Variants in TMTC3 observed in about 807,000 individuals in gnomAD.
The protein encoded by TMTC3 is protein O-mannosyl-transferase TMTC3.
TMTC3 carries 52 observed loss-of-function variants against 92.2 expected under a neutral mutation model. The observed-to-expected ratio is 0.56, with a 90% CI of 0.45 to 0.71. The LOEUF (loss-of-function observed/expected upper bound fraction) is 0.71, where lower values mean the gene tolerates loss of function less well. Ranked by LOEUF, TMTC3 falls within the 30% of genes least tolerant of loss-of-function variation. The probability of loss-of-function intolerance (pLI) is 0.00; values close to 1 mark genes in which losing one functional copy is unlikely to be tolerated. For synonymous variants in TMTC3, 339 were observed against 363.3 expected (o/e 0.93, Z 0.76); for missense variants, 896 against 1,057.1 (o/e 0.85, Z 2.11).
chr12:88,192,050 C>T (rs1172828496), intron 12 of TMTC3, among the ~76,000 whole-genome samples: 4 of 121,876 alleles, frequency 3.3e-5, no homozygotes, highest in Non-Finnish European at 4.7e-5. Flanking sequence ...TAAGAATGGT[C>T]GTATTATAAG....
intron 10 of TMTC3, 22 bp downstream of exon 10, chr12:88,176,341 AATC>A (rs2041259678): frequency 6.6e-7 from 1 of 1,517,734 alleles, no homozygotes; most frequent in Non-Finnish European, 9.0e-7. Context: ...TAACTAATAA[AATC>A]ATGAATTTTA....
chr12:88,169,885 A>G (rs1192291877), intron 7 of TMTC3, among the ~76,000 whole-genome samples: 1 of 151,434 alleles, frequency 6.6e-6, no homozygotes, highest in African/African-American at 2.4e-5. Flanking sequence ...AATGCAGTAG[A>G]CTATGATCAT....
At position 88,196,052 on chromosome 12, in the gene TMTC3, T is replaced by C. The variant is rs1030180966; in HGVS notation, c.*403T>C. ...ATTTATTTGCCTACTTCATTTTTCT[T>C]GCACCTCTTAGAATCTAACTATGAA... On this transcript the variant is annotated 3_prime_UTR_variant, in exon 14 of 14. Transcript: ENST00000266712. 2 of 154,744 alleles carry C rather than the reference T, an allele frequency of 1.3e-5. No homozygotes were observed. The highest frequency in any genetic ancestry group is 2.9e-5 in the Non-Finnish European group (2 of 69,796). The allele number at this position is 154,744 out of a possible 1,614,324, so 9.6% of individuals were successfully genotyped here. A position where few individuals can be genotyped will look rare whatever the true frequency, so the allele number is the denominator to read the frequency against.
intron 4 of TMTC3, among the ~76,000 whole-genome samples, chr12:88,155,211 T>G (rs186936384): frequency 6.6e-6 from 1 of 152,324 alleles, no homozygotes; most frequent in East Asian, 1.9e-4. Flanking sequence ...TGGTTTCAAA[T>G]TCTAGCTCCA....
intron 6 of TMTC3, among the ~76,000 whole-genome samples, chr12:88,165,990 T>G (rs2041138905): frequency 6.6e-6 from 1 of 152,190 alleles, no homozygotes; most frequent in South Asian, 2.1e-4. Context: ...CTTATACAAC[T>G]TTTTGTTACT....
At chr12:88,159,429 G>A (rs915151840) in intron 4 of TMTC3, among the ~76,000 whole-genome samples, 3 of 152,126 alleles carry the variant, frequency 2.0e-5, no homozygotes, top group Non-Finnish European at 4.4e-5. Context: ...ATCCCAGCAT[G>A]GTGGGAGGAT....
rs952065628 is a variant in TMTC3 at position 88,166,528 on chromosome 12, G to T, written c.996G>T (p.Met332Ile). 7 of 1,613,766 alleles carry T rather than the reference G, an allele frequency of 4.3e-6. No homozygotes were observed. In the Admixed American group the frequency reaches 1.0e-4, roughly 23 times the overall value. ...ATFTFFCFLG[M>I]LGVFSIRYSG... is the part of the protein sequence containing the mutation. Reference sequence around the variant, plus strand: ...TTACTTTCTTTTGTTTTCTGGGGATGTTGGGAGTATTCAGTATCAGATACT... The same window carrying T: ...TTACTTTCTTTTGTTTTCTGGGGATTTTGGGAGTATTCAGTATCAGATACT... The change falls in exon 7 of 14, where the codon ATG becomes ATT. Residue 332 changes from methionine to isoleucine, a missense_variant. Coordinates refer to ENST00000266712, the MANE Select transcript of TMTC3 (RefSeq NM_181783.4).
chr12:88,166,030 T>G (rs1427677747), intron 6 of TMTC3, among the ~76,000 whole-genome samples: 1 of 152,166 alleles, frequency 6.6e-6, no homozygotes, highest in Non-Finnish European at 1.5e-5. Flanking sequence ...AATGGAACAC[T>G]TTTGCAGTGT....
In TMTC3 at chr12:88,153,432, T is replaced by C. The variant is rs1592724129; in HGVS notation, c.331T>C (p.Cys111Arg). The C allele has an allele frequency of 1.2e-6, 2 of 1,613,758 alleles. No individual in the cohort carries two copies. The highest frequency in any genetic ancestry group is 2.2e-5 in the East Asian group (1 of 44,824). The change falls in exon 3 of 14, where the codon TGC (cysteine) becomes CGC (arginine). Residue 111 changes from cysteine to arginine, a missense_variant. Transcript: ENST00000266712. ...AVVSVIFLKVCKLFLDNKSSV... is the reference protein window; with the variant it reads ...AVVSVIFLKVRKLFLDNKSSV... ...GGTTAGTGTGATATTTCTCAAAGTA[T>C]GCAAACTTTTTCTGGACAACAAGAG...
rs924472337 is a variant in TMTC3, at chr12:88,172,053, T to C, written c.1051-544T>C. 5.3e-5 allele frequency among the ~76,000 whole-genome samples: 8 copies of C among 152,256 alleles called. No individual in the cohort carries two copies. In the South Asian group the frequency reaches 1.4e-3, roughly 28 times the overall value. On this transcript the variant is annotated intron_variant, in intron 7 of 13. Transcript: ENST00000266712. The stretch of plus-strand genomic sequence containing the variant: ...TTTTTTAAATTGGGTTGTTTTCTTA[T>C]GATTGTTTGAGTGTGTTATTTTAGA...
At chr12:88,154,417 A>G (rs775035523) in intron 4 of TMTC3, 30 bp downstream of exon 4, 1 of 1,499,744 alleles carries the variant, frequency 6.7e-7, no homozygotes, top group Non-Finnish European at 9.0e-7. Flanking sequence ...TTTTTTTTTA[A>G]TAGTGCTAAA....
chr12:88,181,479 T>G (rs371321740), intron 10 of TMTC3, among the ~76,000 whole-genome samples: 5 of 152,122 alleles, frequency 3.3e-5, no homozygotes, highest in African/African-American at 1.2e-4. Flanking sequence ...GAAAAATTGA[T>G]GCAATTGGGT....
At position 88,191,940 on chromosome 12, in the gene TMTC3, C is replaced by T. The variant is rs145829006; in HGVS notation, c.1707-664C>T. Among the ~76,000 whole-genome samples, 417 of 150,930 alleles carry T rather than the reference C, an allele frequency of 2.8e-3. 4 individuals carry two copies. The highest frequency in any genetic ancestry group is 9.7e-3 in the African/African-American group (399 of 41,084). On this transcript the variant is annotated intron_variant, in intron 12 of 13. Transcript: ENST00000266712. ...GGTCAGCTGGTCTCCAACTCCTGAC[C>T]TCAAGTGATCTGCCCACCTCAGCCT...
At chr12:88,185,993 T>A (rs907419448) in intron 10 of TMTC3, among the ~76,000 whole-genome samples, 3 of 152,120 alleles carry the variant, frequency 2.0e-5, no homozygotes, top group Admixed American at 6.5e-5. Flanking sequence ...CCTAGGAGAT[T>A]CCAGATATTT....
intron 4 of TMTC3, 30 bp from the exon 5 acceptor site, chr12:88,160,084 A>T: frequency 6.9e-7 from 1 of 1,444,816 alleles, no homozygotes; most frequent in Non-Finnish European, 9.5e-7. Context: ...TGTTTTCTGA[A>T]TTTTTATATT....
At chr12:88,189,997 T>C (rs938303007) in intron 11 of TMTC3, among the ~76,000 whole-genome samples, 1 of 152,012 alleles carries the variant, frequency 6.6e-6, no homozygotes, top group African/African-American at 2.4e-5. Flanking sequence ...ATAAATATTA[T>C]TACAATTGAG....
intron 6 of TMTC3, among the ~76,000 whole-genome samples, chr12:88,161,661 C>A (rs889799868): frequency 7.3e-5 from 11 of 151,230 alleles, no homozygotes; most frequent in Admixed American, 4.6e-4. Flanking sequence ...CCTTTGGATT[C>A]TTTTTTTAAT....
intron 10 of TMTC3, among the ~76,000 whole-genome samples, chr12:88,179,109 T>C (rs1191552318): frequency 6.6e-6 from 1 of 152,204 alleles, no homozygotes; most frequent in African/African-American, 2.4e-5. Context: ...AGCCATGAGA[T>C]AGGAAAACAA....
Position 88,195,603 on chromosome 12 carries a change from CTTTAA to C in TMTC3, c.2700_2704del (p.Leu901LysfsTer6). The C allele has an allele frequency of 6.2e-7, 1 of 1,601,988 alleles. No individual in the cohort carries two copies. Among genetic ancestry groups the C allele is most frequent in the Non-Finnish European group, 8.5e-7 (1 of 1,176,972 alleles). ...GAAATTGAGAAGAAAAGAGTTGCTG[CTTTAA>C]AAAGACTAGAAGAGATTGAACGTAT... On this transcript the variant is annotated frameshift_variant, in exon 14 of 14. Coordinates refer to ENST00000266712, the MANE Select transcript of TMTC3 (RefSeq NM_181783.4). LOFTEE classifies it high-confidence loss of function.
Sources: gnomAD v4.1 joint callset for allele counts (sites outside exome capture counted in the v4.1 genomes callset) on GRCh38, gnomAD v4.1.1 for gene constraint, MANE v1.5 for transcripts, NCBI Gene and HGNC (gene_info 2026-07-23, HGNC 2026-07-21) for gene names.